The following SASH1 variants were observed in gnomAD, a reference collection of about 807,000 sequenced individuals.
The protein encoded by SASH1 is SAM and SH3 domain containing 1, also known as SAM and SH3 domain-containing protein 1.
A neutral mutation model predicts 125.2 loss-of-function variants in SASH1; 44 were observed. The observed-to-expected ratio is 0.35, with a 90% CI of 0.28 to 0.45. The LOEUF is 0.45. Ranked by LOEUF, SASH1 falls within the 20% of genes least tolerant of loss-of-function variation. The pLI is 1.00. For synonymous variants in SASH1, 639 were observed against 649.1 expected, an observed-to-expected ratio of 0.98 and a Z score of 0.24; for missense variants, 1,426 against 1,614.5, an observed-to-expected ratio of 0.88 and a Z score of 2.00.
chr6:148,483,175 A>G (rs1411415780), intron 7 of SASH1, among the ~76,000 whole-genome samples: 1 of 152,118 alleles, frequency 6.6e-6, no homozygotes, highest in Non-Finnish European at 1.5e-5. Context: ...ATCTAGTGAA[A>G]ACCTCAGGCT....
chr6:148,219,817 T>C, the SASH1 span, among the ~76,000 whole-genome samples: 1 of 152,198 alleles, frequency 6.6e-6, no homozygotes, highest in African/African-American at 2.4e-5. Context: ...GCCTGGGTGT[T>C]TCCCCACGTG....
chr6:148,244,286 G>T, the SASH1 span, among the ~76,000 whole-genome samples: 1 of 152,050 alleles, frequency 6.6e-6, no homozygotes, highest in Non-Finnish European at 1.5e-5. Flanking sequence ...ACTAGGTTTT[G>T]GTATCCTGTC....
chr6:148,218,377 AC>A, the SASH1 span, among the ~76,000 whole-genome samples: 1 of 152,366 alleles, frequency 6.6e-6, no homozygotes, highest in Admixed American at 6.5e-5. Flanking sequence ...TGTAAAGATG[AC>A]AGAGGTTTTT....
chr6:148,257,809 T>G, the SASH1 span, among the ~76,000 whole-genome samples: 1 of 152,056 alleles, frequency 6.6e-6, no homozygotes, highest in Non-Finnish European at 1.5e-5. Context: ...TTTTGTATTT[T>G]TAGTAAAGAC....
intron 1 of SASH1, among the ~76,000 whole-genome samples, chr6:148,329,666 G>A (rs1156301290): frequency 6.6e-6 from 1 of 152,132 alleles, no homozygotes; most frequent in Admixed American, 6.6e-5. Context: ...ATCCGTGTGT[G>A]TCACAAAAAA....
At chr6:148,401,122 C>T (rs191297747) in intron 2 of SASH1, among the ~76,000 whole-genome samples, 80 of 151,990 alleles carry the variant, frequency 5.3e-4, no homozygotes, top group South Asian at 2.9e-3. Flanking sequence ...GGAATGGTGG[C>T]GCATGCCTGT....
chr6:148,217,396 C>T, the SASH1 span, among the ~76,000 whole-genome samples: 10 of 152,230 alleles, frequency 6.6e-5, no homozygotes, highest in Admixed American at 3.9e-4. Context: ...AGTGACACTC[C>T]ATAACCCAGT....
intron 1 of SASH1, among the ~76,000 whole-genome samples, chr6:148,331,838 C>A (rs1418828391): frequency 6.6e-6 from 1 of 151,942 alleles, no homozygotes; most frequent in Non-Finnish European, 1.5e-5. Flanking sequence ...ACTACAGGGA[C>A]ATGCTATAGT....
chr6:148,426,020 C>T (rs1775809194), intron 2 of SASH1, among the ~76,000 whole-genome samples: 1 of 151,974 alleles, frequency 6.6e-6, no homozygotes, highest in Admixed American at 6.6e-5. Flanking sequence ...ACTAGCCTGG[C>T]CAACATGGTG....
At chr6:148,372,726 C>G (rs1047413223) in intron 1 of SASH1, among the ~76,000 whole-genome samples, 2 of 152,046 alleles carry the variant, frequency 1.3e-5, no homozygotes, top group Non-Finnish European at 2.9e-5. Flanking sequence ...TTCATTCATT[C>G]ATTCATTCAG....
At chr6:148,216,946 C>T in the SASH1 span, among the ~76,000 whole-genome samples, 1 of 151,968 alleles carries the variant, frequency 6.6e-6, no homozygotes, top group Non-Finnish European at 1.5e-5. Flanking sequence ...AGGCTGGTCT[C>T]GATCTCCTGA....
intron 4 of SASH1, among the ~76,000 whole-genome samples, chr6:148,461,596 C>T (rs1445352032): frequency 1.3e-5 from 2 of 152,122 alleles, no homozygotes; most frequent in African/African-American, 2.4e-5. Context: ...GAGAATCTTA[C>T]ACCAAATCAA....
intron 7 of SASH1, among the ~76,000 whole-genome samples, chr6:148,484,420 T>A (rs568325148): frequency 6.6e-5 from 10 of 152,334 alleles, no homozygotes; most frequent in Admixed American, 5.9e-4. Context: ...TTAATATACA[T>A]TCTTTAATGA....
At chr6:148,228,397 T>C in the SASH1 span, among the ~76,000 whole-genome samples, 7 of 152,222 alleles carry the variant, frequency 4.6e-5, no homozygotes, top group Non-Finnish European at 1.0e-4. Flanking sequence ...CTTTTAAGTA[T>C]CTTATGGTCT....
chr6:148,199,595 G>C, the SASH1 span, among the ~76,000 whole-genome samples: 292 of 152,150 alleles, frequency 1.9e-3, 1 homozygote, highest in Non-Finnish European at 1.8e-3. Flanking sequence ...CTATTCGGCA[G>C]GCGGAGGCAG....
At chr6:148,231,351 C>T in the SASH1 span, among the ~76,000 whole-genome samples, 70 of 152,268 alleles carry the variant, frequency 4.6e-4, no homozygotes, top group African/African-American at 1.6e-3. Flanking sequence ...CCTCTTATGC[C>T]AGTTCCATGC....
At chr6:148,197,521 G>C in the SASH1 span, among the ~76,000 whole-genome samples, 355 of 152,284 alleles carry the variant, frequency 2.3e-3, 2 homozygotes, top group African/African-American at 7.9e-3. Flanking sequence ...CCCATCCTGA[G>C]AGTTCAGGCC....
chr6:148,511,226 A>G (rs1780106301), intron 8 of SASH1, among the ~76,000 whole-genome samples: 1 of 152,042 alleles, frequency 6.6e-6, no homozygotes, highest in African/African-American at 2.4e-5. Flanking sequence ...TGAGAAGTCA[A>G]CACCTCTCCA....
chr6:148,235,028 A>G, the SASH1 span, among the ~76,000 whole-genome samples: 1 of 152,210 alleles, frequency 6.6e-6, no homozygotes, highest in South Asian at 2.1e-4. Flanking sequence ...AACAAGCACC[A>G]ACAATACATG....
Sources: allele counts gnomAD v4.1 joint callset (sites outside exome capture counted in the v4.1 genomes callset), GRCh38; gene constraint gnomAD v4.1.1; transcripts MANE v1.5; gene names NCBI Gene and HGNC (gene_info 2026-07-23, HGNC 2026-07-21).